Variants in PUS10 observed in about 807,000 individuals in gnomAD.
The protein encoded by PUS10 is pseudouridine synthase 10.
Under a neutral mutation model 75.0 loss-of-function variants are expected in PUS10, and 59 were observed. The observed-to-expected ratio is 0.79, with a 90% CI of 0.64 to 0.98. The LOEUF (loss-of-function observed/expected upper bound fraction) is 0.98. PUS10 is among the 50% of genes least tolerant of loss of function. The probability of loss-of-function intolerance (pLI) is 0.00; values close to 1 mark genes in which losing one functional copy is unlikely to be tolerated. For missense variants in PUS10, 650 were observed against 614.4 expected (o/e 1.06, Z -0.61); for synonymous variants, 219 against 211.6 (o/e 1.03, Z -0.30).
At chr2:60,953,909 C>A (rs1675492980) in intron 14 of PUS10, 24 bp downstream of exon 14, 2 of 1,604,380 alleles carry the variant, frequency 1.2e-6, no homozygotes, top group African/African-American at 1.3e-5. Context: ...CTTTTGAAAT[C>A]ATCTCCAATG....
chr2:61,013,153 C>T (rs1453459903), intron 1 of PUS10, among the ~76,000 whole-genome samples: 1 of 151,174 alleles, frequency 6.6e-6, no homozygotes, highest in Admixed American at 6.6e-5. Context: ...CTCAGAAGAC[C>T]GAGGTGGGAG....
intron 17 of PUS10, chr2:60,944,140 A>AT: frequency 1.3e-6 from 1 of 781,140 alleles, no homozygotes; most frequent in Non-Finnish European, 1.6e-6. Flanking sequence ...AAAAAAAAAA[A>AT]GATGATGAGT....
intron 12 of PUS10, 128 bp from the exon 13 acceptor site, chr2:60,954,286 C>A: frequency 1.3e-6 from 1 of 763,260 alleles, no homozygotes; most frequent in Non-Finnish European, 2.2e-6. Flanking sequence ...AGTGACATGA[C>A]TACATCTGAG....
At position 61,018,162 on chromosome 2, in the gene PUS10, A is replaced by AT; in HGVS notation, c.-171_-170insA. On this transcript the variant is annotated 5_prime_UTR_variant, in exon 1 of 18. It introduces an in-frame stop codon into an upstream open reading frame of the 5' UTR. Transcript: ENST00000316752. ...ACCGCTTCTGTTTTCACTTTGACAG[A>AT]ATGGCTTCTCTATCTTTAAAGCGTA... 6.4e-7 allele frequency: 1 copy of AT among 1,550,670 alleles called. No individual in the cohort carries two copies.
intron 4 of PUS10, among the ~76,000 whole-genome samples, chr2:60,996,373 C>A (rs940331547): frequency 6.6e-6 from 1 of 152,178 alleles, no homozygotes; most frequent in Non-Finnish European, 1.5e-5. Flanking sequence ...TAGTGTATCA[C>A]GTAACAGAGT....
At chr2:60,988,804 T>C (rs1432414201) in intron 4 of PUS10, among the ~76,000 whole-genome samples, 1 of 143,300 alleles carries the variant, frequency 7.0e-6, no homozygotes, top group Non-Finnish European at 1.5e-5. Flanking sequence ...CCGGGTTAAT[T>C]TTTTTTTTTT....
chr2:60,953,062 T>C lies in PUS10; in HGVS notation c.1243A>G (p.Ser415Gly). 6.2e-7 allele frequency: 1 copy of C among 1,609,800 alleles called. No homozygotes were observed. Among genetic ancestry groups the C allele is most frequent in the Non-Finnish European group, 8.5e-7 (1 of 1,176,060 alleles). Residue 415 changes from serine (S) to glycine (G), a missense_variant, in exon 15 of 18, where the codon AGT becomes GGT. By Grantham distance (56) the Ser-to-Gly change is moderately conservative. Coordinates refer to ENST00000316752, the MANE Select transcript of PUS10 (RefSeq NM_144709.4). ...GCTTTATTTGTCCAAATTAAGGCAC[T>C]GTAGGTCTTTGTCTTTTCTTCTTCA... is the stretch of plus-strand genomic sequence containing the variant. ...EGEEEKTKTYSALIWTNKAIQ... is the reference protein window; with the variant it reads ...EGEEEKTKTYGALIWTNKAIQ...
chr2:60,954,208 C>A, intron 12 of PUS10, 50 bp from the exon 13 acceptor site: 1 of 1,587,278 alleles, frequency 6.3e-7, no homozygotes, highest in South Asian at 1.1e-5. Flanking sequence ...ATGGAGTTAA[C>A]ATTTGGGCTA....
intron 4 of PUS10, among the ~76,000 whole-genome samples, chr2:60,989,519 T>G (rs920357855): frequency 2.0e-5 from 3 of 152,196 alleles, no homozygotes; most frequent in Non-Finnish European, 4.4e-5. Context: ...AGACTGCATC[T>G]CTATAAAGAA....
rs181379160 is a variant in PUS10, at chr2:60,956,704, G to A, written c.1001-1630C>T. ...AAATGTTTCAAACCAGGCTGGGTGC[G>A]GTGGCTCACGCCTGTAATCCCAGCA... On this transcript the variant is annotated intron_variant, in intron 11 of 17. Transcript: ENST00000316752. 1.5e-3 allele frequency among the ~76,000 whole-genome samples: 228 copies of A among 152,142 alleles called. 1 individual carries two copies. The highest frequency in any genetic ancestry group is 4.4e-3 in the South Asian group (21 of 4,818).
intron 16 of PUS10, 66 bp downstream of exon 16, chr2:60,947,977 G>C: frequency 6.4e-7 from 1 of 1,570,768 alleles, no homozygotes; most frequent in Non-Finnish European, 8.7e-7. Flanking sequence ...CTGTTTTCTA[G>C]GGGACCATGA....
Position 61,008,976 on chromosome 2 carries a change from T to C in PUS10, c.166A>G (p.Lys56Glu), listed in dbSNP as rs754714149. ...ATAACTTCCAAAATTAATTCATCTT[T>C]TTCAGTTTCCAGAAATTTCTGTAGT... The part of the protein sequence containing the change: ...NELQKFLETE[K>E]DELILEVMNP... The change falls in exon 3 of 18, where the codon AAA (lysine) becomes GAA (glutamate). Residue 56 changes from lysine (K) to glutamate (E), a missense_variant. By Grantham distance (56) the Lys-to-Glu change is moderately conservative (BLOSUM62 1). Transcript: ENST00000316752. The C allele has an allele frequency of 6.2e-7, 1 of 1,612,506 alleles. No individual in the cohort carries two copies. Among genetic ancestry groups the C allele is most frequent in the East Asian group, 2.2e-5 (1 of 44,820 alleles).
chr2:60,955,502 A>G (rs958509636), intron 11 of PUS10, among the ~76,000 whole-genome samples: 1 of 151,908 alleles, frequency 6.6e-6, no homozygotes, highest in Non-Finnish European at 1.5e-5. Context: ...GCTAATTTTT[A>G]AATTTTTGTA....
At chr2:60,946,625 C>T (rs1489452398) in intron 16 of PUS10, among the ~76,000 whole-genome samples, 3 of 152,088 alleles carry the variant, frequency 2.0e-5, no homozygotes, top group Non-Finnish European at 4.4e-5. Context: ...AATTGATCAT[C>T]CTTTGATCCA....
chr2:60,974,552 G>T (rs1409089832), intron 4 of PUS10, among the ~76,000 whole-genome samples: 1 of 152,206 alleles, frequency 6.6e-6, no homozygotes, highest in East Asian at 1.9e-4. Flanking sequence ...GAAGAGAGAG[G>T]AAGAGAAGAG....
intron 2 of PUS10, chr2:61,010,688 G>C: frequency 7.8e-7 from 1 of 1,285,676 alleles, no homozygotes; most frequent in Non-Finnish European, 1.1e-6. Flanking sequence ...AGTCCTGTGA[G>C]GTGGGTATTA....
At chr2:61,010,908 T>C in intron 2 of PUS10, 1 of 1,547,202 alleles carries the variant, frequency 6.5e-7, no homozygotes. Flanking sequence ...GAGACAATCA[T>C]AGTATGTACT....
chr2:60,971,461 C>G, intron 5 of PUS10, 62 bp downstream of exon 5: 1 of 1,451,550 alleles, frequency 6.9e-7, no homozygotes, highest in Non-Finnish European at 9.7e-7. Context: ...AGTAAAAGTG[C>G]TTTAAGAACC....
intron 4 of PUS10, among the ~76,000 whole-genome samples, chr2:60,990,344 T>C (rs1678000082): frequency 6.6e-6 from 1 of 152,134 alleles, no homozygotes; most frequent in Non-Finnish European, 1.5e-5. Context: ...ATCAGAAAGT[T>C]AACAAGGTAG....
Sources: gnomAD v4.1 joint callset for allele counts (sites outside exome capture counted in the v4.1 genomes callset) on GRCh38, gnomAD v4.1.1 for gene constraint, MANE v1.5 for transcripts, NCBI Gene and HGNC (gene_info 2026-07-23, HGNC 2026-07-21) for gene names.